The following ARID1B variants were observed in gnomAD, a reference collection of about 807,000 sequenced individuals.
ARID1B encodes the protein AT-rich interactive domain-containing protein 1B.
In ARID1B, 30 loss-of-function variants were observed where a neutral mutation model predicts 212.3. The ratio of observed to expected loss-of-function variants is 0.14; its 90% CI spans 0.11 to 0.19. The LOEUF (loss-of-function observed/expected upper bound fraction) is 0.19. Among genes scored for constraint, ARID1B ranks in the 10% least tolerant of loss-of-function variants. ARID1B has a pLI of 1.00. For missense variants in ARID1B, 2,891 were observed against 3,204.0 expected (o/e 0.90, Z 2.36); for synonymous variants, 1,402 against 1,301.7 (o/e 1.08, Z -1.66).
chr6:156,922,871 G>A (rs1044575524), intron 3 of ARID1B, among the ~76,000 whole-genome samples: 2 of 152,228 alleles, frequency 1.3e-5, no homozygotes, highest in Non-Finnish European at 2.9e-5. Context: ...TATGGTCCCA[G>A]TGTGGGGTAG....
intron 4 of ARID1B, among the ~76,000 whole-genome samples, chr6:156,963,471 CG>C (rs966150023): frequency 1.5e-3 from 221 of 152,020 alleles, no homozygotes; most frequent in African/African-American, 5.2e-3. Flanking sequence ...CAGTTAGTTG[CG>C]TAGGTCATTT....
At chr6:156,975,561 G>T (rs1209290100) in intron 4 of ARID1B, among the ~76,000 whole-genome samples, 4 of 147,828 alleles carry the variant, frequency 2.7e-5, no homozygotes, top group African/African-American at 1.0e-4. Context: ...ATTTTCAAAA[G>T]ACATTTTTTT....
At chr6:157,058,157 C>A (rs762648122) in intron 4 of ARID1B, among the ~76,000 whole-genome samples, 3 of 152,334 alleles carry the variant, frequency 2.0e-5, no homozygotes, top group African/African-American at 7.2e-5. Flanking sequence ...CTCACTTCAC[C>A]TCCAGTAGGG....
At position 157,067,611 on chromosome 6, in the gene ARID1B, T is replaced by G. The variant is rs115913665; in HGVS notation, c.2248-17051T>G. Among the ~76,000 whole-genome samples the G allele has an allele frequency of 8.8e-3, 1,346 of 152,332 alleles. 23 individuals are homozygous for G. Among genetic ancestry groups the G allele is most frequent in the African/African-American group, 0.031 (1,296 of 41,564 alleles). On this transcript the variant is annotated intron_variant, in intron 4 of 19. Coordinates refer to ENST00000636930, the MANE Select transcript of ARID1B (RefSeq NM_001374828.1). ...TTAGCTTAGCAGTGATAGGTTAAGA[T>G]TTTCAATAATATTTATTATTTGCTG...
intron 8 of ARID1B, among the ~76,000 whole-genome samples, chr6:157,156,671 G>A (rs771264566): frequency 6.6e-6 from 1 of 152,096 alleles, no homozygotes; most frequent in African/African-American, 2.4e-5. Flanking sequence ...TTCGACAGCC[G>A]CTGTACACCC....
intron 1 of ARID1B, among the ~76,000 whole-genome samples, chr6:156,812,701 A>G (rs764749384): frequency 6.6e-6 from 1 of 151,738 alleles, no homozygotes; most frequent in Non-Finnish European, 1.5e-5. Flanking sequence ...TTTCTAACTC[A>G]TGCCTTCTTT....
chr6:157,155,197 C>G (rs1448939973), intron 8 of ARID1B, among the ~76,000 whole-genome samples: 1 of 152,142 alleles, frequency 6.6e-6, no homozygotes, highest in Non-Finnish European at 1.5e-5. Context: ...CTTACTGGCA[C>G]AAGGGCGGGT....
At chr6:156,879,536 G>A (rs1048074182) in intron 2 of ARID1B, among the ~76,000 whole-genome samples, 2 of 152,208 alleles carry the variant, frequency 1.3e-5, no homozygotes, top group African/African-American at 4.8e-5. Context: ...GTAGAAGCCA[G>A]ATAGATGAGC....
chr6:156,943,025 G>A (rs1044261561), intron 4 of ARID1B: 1 of 152,134 alleles, frequency 6.6e-6, no homozygotes, highest in African/African-American at 2.4e-5. Flanking sequence ...AATTTTTAAT[G>A]TTAACTGTCA....
At chr6:156,776,839 T>C (rs1033172435), upstream of ARID1B, 1 of 152,258 alleles carries the variant, frequency 6.6e-6, no homozygotes, top group Non-Finnish European at 1.5e-5. Flanking sequence ...AACCTTCATT[T>C]CAAATCTTTC....
chr6:157,087,573 A>G lies in ARID1B; in HGVS notation c.2491+2668A>G, dbSNP rs2128468579. Among the ~76,000 whole-genome samples the G allele has an allele frequency of 2.0e-5, 3 of 152,336 alleles. No individual in the cohort carries two copies. In the South Asian group the frequency reaches 6.2e-4, roughly 32 times the overall value. On this transcript the variant is annotated intron_variant, in intron 5 of 19. Transcript: ENST00000636930. ...CGATGTTACGTTCACCATTATGGATATTATTCAAACTGAGACTGTCTGTGA... is the reference window on the plus strand; with the variant it reads ...CGATGTTACGTTCACCATTATGGATGTTATTCAAACTGAGACTGTCTGTGA...
chr6:157,089,839 T>C (rs547933931), intron 5 of ARID1B, among the ~76,000 whole-genome samples: 1 of 152,306 alleles, frequency 6.6e-6, no homozygotes, highest in Admixed American at 6.5e-5. Flanking sequence ...AAATGTGTGA[T>C]ATTAGACATG....
At chr6:156,933,308 G>A (rs1470910210) in intron 3 of ARID1B, among the ~76,000 whole-genome samples, 1 of 152,206 alleles carries the variant, frequency 6.6e-6, no homozygotes, top group African/African-American at 2.4e-5. Context: ...GGCGGGGCCT[G>A]CTCATTTGTT....
At chr6:156,812,071 A>G (rs1390356934) in intron 1 of ARID1B, among the ~76,000 whole-genome samples, 1 of 152,242 alleles carries the variant, frequency 6.6e-6, no homozygotes, top group Non-Finnish European at 1.5e-5. Flanking sequence ...CCGAGGGCAC[A>G]GGAGGTGCTC....
rs573151333 is a variant in ARID1B, at chr6:157,048,059, G to A, written c.2248-36603G>A. ...GTTCTCTGCACTGCCAAGTTTTAAAGCAGATTCTGTTTCTTCAGATGGTGA... is the reference window on the plus strand; with the variant it reads ...GTTCTCTGCACTGCCAAGTTTTAAAACAGATTCTGTTTCTTCAGATGGTGA... On this transcript the variant is annotated intron_variant, in intron 4 of 19. Transcript: ENST00000636930. Among the ~76,000 whole-genome samples the A allele has an allele frequency of 3.3e-5, 5 of 152,310 alleles. No homozygotes were observed. In the East Asian group the frequency reaches 5.8e-4, roughly 18 times the overall value.
intron 4 of ARID1B, among the ~76,000 whole-genome samples, chr6:157,046,945 A>G (rs1782280027): frequency 6.6e-6 from 1 of 152,208 alleles, no homozygotes; most frequent in Admixed American, 6.5e-5. Flanking sequence ...GGTAAAGCTC[A>G]GCTAGAAGTT....
At chr6:157,128,242 A>G (rs1046029109) in intron 6 of ARID1B, among the ~76,000 whole-genome samples, 1 of 152,218 alleles carries the variant, frequency 6.6e-6, no homozygotes, top group Admixed American at 6.5e-5. Context: ...ATAATGGATT[A>G]CTTTTTTAGT....
chr6:156,858,405 A>G (rs1785095780), intron 2 of ARID1B, among the ~76,000 whole-genome samples: 1 of 152,212 alleles, frequency 6.6e-6, no homozygotes, highest in South Asian at 2.1e-4. Flanking sequence ...AGAAATGACA[A>G]ATGTTTGAGG....
chr6:156,818,526 A>G (rs1365205405), intron 1 of ARID1B, among the ~76,000 whole-genome samples: 3 of 152,206 alleles, frequency 2.0e-5, no homozygotes, highest in Non-Finnish European at 4.4e-5. Context: ...TGCAAATCAC[A>G]CTAAACATCT....
Sources: allele counts gnomAD v4.1 joint callset (sites outside exome capture counted in the v4.1 genomes callset), GRCh38; gene constraint gnomAD v4.1.1; transcripts MANE v1.5; gene names NCBI Gene and HGNC (gene_info 2026-07-23, HGNC 2026-07-21).